Variants in LRRC37A2 observed in about 807,000 individuals in gnomAD.
LRRC37A2 encodes the protein leucine-rich repeat-containing protein 37A2.
In LRRC37A2, 9 loss-of-function variants were observed where a neutral mutation model predicts 68.8. The ratio of observed to expected loss-of-function variants is 0.13; its 90% CI spans 0.08 to 0.23. The LOEUF is 0.23. LRRC37A2 is among the 10% of genes least tolerant of loss of function. LRRC37A2 has a pLI of 1.00. For synonymous variants in LRRC37A2, 63 were observed against 367.6 expected, an observed-to-expected ratio of 0.17 and a Z score of 9.48; for missense variants, 168 against 950.4, an observed-to-expected ratio of 0.18 and a Z score of 10.82.
At chr17:46,970,377 C>G in the LRRC37A2 span, among the ~76,000 whole-genome samples, 14 of 152,150 alleles carry the variant, frequency 9.2e-5, no homozygotes, top group South Asian at 2.9e-3. Context: ...CCTGTCTCTA[C>G]TAAAAATGCA....
chr17:46,845,559 G>A, the LRRC37A2 span, among the ~76,000 whole-genome samples: 36 of 143,520 alleles, frequency 2.5e-4, no homozygotes, highest in African/African-American at 9.2e-4. Flanking sequence ...GCACAATCTC[G>A]GCTCACTGCA....
chr17:46,931,212 G>A, the LRRC37A2 span: 3 of 1,294,830 alleles, frequency 2.3e-6, no homozygotes, highest in Non-Finnish European at 3.4e-6. Context: ...CAGACTGTAA[G>A]TGCTGACCTC....
At chr17:46,638,436 G>A in the LRRC37A2 span, among the ~76,000 whole-genome samples, 5 of 46,784 alleles carry the variant, frequency 1.1e-4, no homozygotes, top group African/African-American at 3.6e-4. Flanking sequence ...GGAGTGCAGC[G>A]GCACCATCTC....
the LRRC37A2 span, among the ~76,000 whole-genome samples, chr17:47,048,318 C>T: frequency 1.3e-5 from 2 of 151,858 alleles, no homozygotes; most frequent in Non-Finnish European, 2.9e-5. Flanking sequence ...CACACTGGCA[C>T]ACTTGACCTT....
At chr17:46,495,542 G>A in the LRRC37A2 span, among the ~76,000 whole-genome samples, 4 of 146,538 alleles carry the variant, frequency 2.7e-5, 1 homozygote, top group African/African-American at 8.0e-5. Flanking sequence ...CCACCACCAC[G>A]CCCAGCTAAT....
At chr17:47,000,063 T>TAAAATA in the LRRC37A2 span, among the ~76,000 whole-genome samples, 22 of 17,724 alleles carry the variant, frequency 1.2e-3, 1 homozygote, top group East Asian at 0.03. Flanking sequence ...TAAAATAAAA[T>TAAAATA]TAAAATAAAA....
chr17:46,865,015 A>C, the LRRC37A2 span, among the ~76,000 whole-genome samples: 1 of 152,206 alleles, frequency 6.6e-6, no homozygotes, highest in African/African-American at 2.4e-5. Context: ...GTTTACAGTC[A>C]CAGACTCATA....
chr17:46,736,230 G>A, the LRRC37A2 span, among the ~76,000 whole-genome samples: 1 of 152,306 alleles, frequency 6.6e-6, no homozygotes, highest in Non-Finnish European at 1.5e-5. Flanking sequence ...AGTAGGAAGT[G>A]GAGACAGGAA....
chr17:46,892,139 G>A, the LRRC37A2 span, among the ~76,000 whole-genome samples: 5,219 of 151,834 alleles, frequency 0.034, 106 homozygotes, highest in Middle Eastern at 0.065. Context: ...GACTGGTCTC[G>A]AACTCCTGAT....
chr17:46,872,808 G>T, the LRRC37A2 span: 5 of 1,481,486 alleles, frequency 3.4e-6, no homozygotes, highest in African/African-American at 2.8e-5. Context: ...GGAGGGCTGG[G>T]GGAAGAAGCC....
the LRRC37A2 span, among the ~76,000 whole-genome samples, chr17:46,769,189 G>A: frequency 6.6e-6 from 1 of 151,988 alleles, no homozygotes; most frequent in Non-Finnish European, 1.5e-5. Context: ...GGTGGCGGAC[G>A]CCTGTAATCC....
the LRRC37A2 span, among the ~76,000 whole-genome samples, chr17:46,708,918 G>T: frequency 6.8e-6 from 1 of 146,698 alleles, no homozygotes; most frequent in Admixed American, 6.8e-5. Context: ...TCCGCCTCCT[G>T]GGTTCAAGTG....
the LRRC37A2 span, among the ~76,000 whole-genome samples, chr17:46,754,505 C>G: frequency 6.6e-6 from 1 of 152,084 alleles, no homozygotes; most frequent in Non-Finnish European, 1.5e-5. Context: ...GTGTTTCTTA[C>G]AATAAAAATT....
At chr17:46,736,518 G>A in the LRRC37A2 span, among the ~76,000 whole-genome samples, 1 of 152,146 alleles carries the variant, frequency 6.6e-6, no homozygotes, top group Non-Finnish European at 1.5e-5. Flanking sequence ...GTTAATCTTG[G>A]ATGGTAGGAT....
chr17:46,844,854 T>C, the LRRC37A2 span, among the ~76,000 whole-genome samples: 1 of 152,284 alleles, frequency 6.6e-6, no homozygotes, highest in Non-Finnish European at 1.5e-5. Flanking sequence ...CTTTCTTTTT[T>C]ATTTTTTGGA....
the LRRC37A2 span, among the ~76,000 whole-genome samples, chr17:46,877,864 C>T: frequency 6.6e-6 from 1 of 152,200 alleles, no homozygotes; most frequent in African/African-American, 2.4e-5. Flanking sequence ...CTAAGCCTGG[C>T]TCCTGGGTAG....
At chr17:46,444,939 T>C in the LRRC37A2 span, among the ~76,000 whole-genome samples, 2 of 106,754 alleles carry the variant, frequency 1.9e-5, no homozygotes, top group Non-Finnish European at 4.2e-5. Context: ...TCTTTAGGTA[T>C]GAAGAAAGCT....
chr17:46,854,479 C>G, the LRRC37A2 span, among the ~76,000 whole-genome samples: 1 of 152,266 alleles, frequency 6.6e-6, no homozygotes, highest in Admixed American at 6.5e-5. Flanking sequence ...CCAGAAGGAT[C>G]TCTGGTCCAA....
chr17:46,781,310 C>T, the LRRC37A2 span, among the ~76,000 whole-genome samples: 3 of 151,578 alleles, frequency 2.0e-5, no homozygotes, highest in Non-Finnish European at 2.9e-5. Context: ...ACAAGCTAAG[C>T]GACAGAAGCC....
Sources: gnomAD v4.1 joint callset for allele counts (sites outside exome capture counted in the v4.1 genomes callset) on GRCh38, gnomAD v4.1.1 for gene constraint, MANE v1.5 for transcripts, NCBI Gene and HGNC (gene_info 2026-07-23, HGNC 2026-07-21) for gene names.